The following ZAN variants were observed in gnomAD, a reference collection of about 807,000 sequenced individuals.
The protein encoded by ZAN is zonadhesin (gene/pseudogene).
ZAN carries 260 observed loss-of-function variants against 286.2 expected under a neutral mutation model. That is an observed-to-expected ratio of 0.91 (90% CI 0.82 to 1.01). The LOEUF (loss-of-function observed/expected upper bound fraction) is 1.01, where lower values mean the gene tolerates loss of function less well. Among genes scored for constraint, ZAN ranks in the 50% least tolerant of loss-of-function variants. The pLI, the probability that ZAN is intolerant of heterozygous loss-of-function variation, is 0.00. For synonymous variants in ZAN, 1,368 were observed against 1,417.5 expected (o/e 0.97, Z 0.79); for missense variants, 3,410 against 3,639.2 (o/e 0.94, Z 1.62).
chr7:100,789,667 G>T (rs115901706), intron 39 of ZAN, among the ~76,000 whole-genome samples: 1 of 151,982 alleles, frequency 6.6e-6, no homozygotes, highest in Non-Finnish European at 1.5e-5. Context: ...TTTAAAGGCC[G>T]TGCACAGTGG....
chr7:100,787,905 A>G lies in ZAN; in HGVS notation c.6996A>G (p.Ser2332=). The change falls in exon 38 of 48, where the codon TCA becomes TCG. Residue 2332 remains serine (S), a synonymous_variant. Transcript: ENST00000613979. ...NCVSDKSEQC[S]VYGDPRYLTF... is the part of the protein sequence containing the mutation. ...TCTTGGCAGAGTCTGAACAATGCTC[A>G]GTCTATGGCGACCCCCGTTACCTCA... 3 of 1,530,238 alleles carry G rather than the reference A, an allele frequency of 2.0e-6. No homozygotes were observed. Among genetic ancestry groups the G allele is most frequent in the South Asian group, 1.2e-5 (1 of 80,906 alleles). The allele number at this position is 1,530,238 out of a possible 1,614,324, so 94.8% of individuals were successfully genotyped here.
chr7:100,740,139 C>A lies in ZAN; in HGVS notation c.766+1526C>A, dbSNP rs1195007825. 1.4e-5 allele frequency among the ~76,000 whole-genome samples: 2 copies of A among 140,236 alleles called. 1 individual carries two copies. The highest frequency in any genetic ancestry group is 1.4e-4 in the Admixed American group (2 of 14,098). 92.0% of individuals were successfully genotyped at this position (140,236 alleles called of 152,430 possible). On this transcript the variant is annotated intron_variant, in intron 7 of 47. Transcript: ENST00000613979. Reference sequence around the variant, plus strand: ...GAGGGGATCAAGGCACAGCAAAGAGCCATGTGGCCAGCATGAAGAGGGTGA... The same window carrying A: ...GAGGGGATCAAGGCACAGCAAAGAGACATGTGGCCAGCATGAAGAGGGTGA...
chr7:100,736,986 G>A lies in ZAN; in HGVS notation c.431G>A (p.Arg144His), dbSNP rs769810485. 3.3e-5 allele frequency: 50 copies of A among 1,502,030 alleles called. 9 individuals are homozygous for A. The highest frequency in any genetic ancestry group is 5.7e-5 in the African/African-American group (4 of 70,786). The allele number at this position is 1,502,030 out of a possible 1,614,324, so 93.0% of individuals were successfully genotyped here. The change falls in exon 5 of 48, where the codon CGC becomes CAC. Residue 144 changes from arginine (R) to histidine (H), a missense_variant. By Grantham distance (29) the Arg-to-His change is conservative. Transcript: ENST00000613979. ...LLLLSGEEGRRPDVLWKHWNT... is the reference protein window; with the variant it reads ...LLLLSGEEGRHPDVLWKHWNT... ...CTGCTCTCGGGTGAAGAGGGCCGCC[G>A]CCCCGATGTGCTCTGGAAACACTGG...
Position 100,752,784 on chromosome 7 carries a change from C to T in ZAN, c.2679C>T (p.Thr893=). The T allele has an allele frequency of 6.4e-7, 1 of 1,551,898 alleles. No individual in the cohort carries two copies. Among genetic ancestry groups the T allele is most frequent in the Non-Finnish European group, 8.8e-7 (1 of 1,137,180 alleles). Reference sequence around the variant, plus strand: ...CCACCATCCCCATTGAAGAGACTACCATCTCCACAGAAAAACTCACCATCC... The same window carrying T: ...CCACCATCCCCATTGAAGAGACTACTATCTCCACAGAAAAACTCACCATCC... ...EKPTIPIEET[T]ISTEKLTIPT... The change falls in exon 14 of 48, where the codon ACC becomes ACT. Residue 893 remains threonine, a synonymous_variant. Coordinates refer to ENST00000613979, the MANE Select transcript of ZAN (RefSeq NM_003386.3).
At position 100,792,423 on chromosome 7, in the gene ZAN, G is replaced by C. The variant is rs372091070; in HGVS notation, c.7731G>C (p.Leu2577=). The C allele has an allele frequency of 6.2e-7, 1 of 1,613,294 alleles. No individual in the cohort carries two copies. Among genetic ancestry groups the C allele is most frequent in the Non-Finnish European group, 8.5e-7 (1 of 1,179,558 alleles). ...EPFQEHCVLD[L]CSAQDPREQE... ...GCACCAGGCACTGCGTGCTGGATCT[G>C]TGCTCTGCTCAGGACCCAAGAGAGC... The change falls in exon 42 of 48, where the codon CTG becomes CTC. Residue 2577 remains leucine (L), a synonymous_variant. Transcript: ENST00000613979.
At chr7:100,795,994 C>T (rs1220483130) in intron 45 of ZAN, among the ~76,000 whole-genome samples, 3 of 151,994 alleles carry the variant, frequency 2.0e-5, no homozygotes, top group East Asian at 3.9e-4. Context: ...GCACGAGACC[C>T]GCTTGAACCC....
In ZAN at chr7:100,795,477, TAAC is replaced by T. The variant is rs150312175; in HGVS notation, c.8266+144_8266+146del. The T allele has an allele frequency of 5.5e-3, 4,614 of 842,894 alleles. 160 individuals carry two copies. In the African/African-American group the frequency reaches 0.072, roughly 13 times the overall value. 52.2% of individuals were successfully genotyped at this position (842,894 alleles called of 1,614,324 possible). On this transcript the variant is annotated intron_variant, in intron 45 of 47. Coordinates refer to ENST00000613979, the MANE Select transcript of ZAN (RefSeq NM_003386.3). ...TTACAGATATTATATATTATAAACA[TAAC>T]AATTTGTAGCTATAATGGATATTAA... is the stretch of plus-strand genomic sequence containing the variant.
In ZAN at chr7:100,751,703, T is replaced by C; in HGVS notation, c.1607-9T>C. Reference sequence around the variant, plus strand: ...ACTAAACTCCAGGGATTCTTATTTTTCTTTGCAGTAAAAGTGCTACCAGAG... The same window carrying C: ...ACTAAACTCCAGGGATTCTTATTTTCCTTTGCAGTAAAAGTGCTACCAGAG... On this transcript the variant is annotated splice_polypyrimidine_tract_variant and intron_variant, in intron 13 of 47. Transcript: ENST00000613979. 1 of 1,569,422 alleles carries C rather than the reference T, an allele frequency of 6.4e-7. No individual in the cohort carries two copies. The highest frequency in any genetic ancestry group is 8.6e-7 in the Non-Finnish European group (1 of 1,164,852).
intron 26 of ZAN, among the ~76,000 whole-genome samples, chr7:100,768,322 A>C (rs1810140833): frequency 6.6e-6 from 1 of 152,170 alleles, no homozygotes; most frequent in African/African-American, 2.4e-5. Flanking sequence ...AAATACAAAA[A>C]TTAGCCAGGC....
chr7:100,789,134 C>T, intron 38 of ZAN, 84 bp from the exon 39 acceptor site: 1 of 1,535,892 alleles, frequency 6.5e-7, no homozygotes, highest in Admixed American at 2.0e-5. Context: ...ATGGAGATGA[C>T]TGGGAAAAGT....
chr7:100,768,679 A>G lies in ZAN; in HGVS notation c.5111A>G (p.Gln1704Arg). Residue 1704 changes from glutamine (Q) to arginine (R), a missense_variant, in exon 27 of 48, where the codon CAG (glutamine) becomes CGG (arginine). Physicochemically the swap from Gln to Arg is conservative, Grantham distance 43 (BLOSUM62 1). Around this residue, in one of 7 missense-constraint regions of ZAN, gnomAD observed 1,042 missense variants for 1,058.0 expected, o/e 0.98. Transcript: ENST00000613979. ...AGAAAGCTTGCAGGCGATTCCATGC[A>G]GCTGGGGGCCGCCTGGAAGTTACCT... Reference protein sequence around the residue: ...PDRKLAGDSMQLGAAWKLPES... With the variant: ...PDRKLAGDSMRLGAAWKLPES... The G allele has an allele frequency of 6.2e-7, 1 of 1,609,164 alleles. No homozygotes were observed. Among genetic ancestry groups the G allele is most frequent in the Non-Finnish European group, 8.5e-7 (1 of 1,177,820 alleles).
Position 100,779,462 on chromosome 7 carries a change from G to C in ZAN, c.6334G>C (p.Val2112Leu), listed in dbSNP as rs1236594623. 1 of 1,607,016 alleles carries C rather than the reference G, an allele frequency of 6.2e-7. No homozygotes were observed. The change falls in exon 35 of 48, where the codon GTA becomes CTA. Residue 2112 changes from valine (V) to leucine (L), a missense_variant. By Grantham distance (32) the Val-to-Leu change is conservative (BLOSUM62 1). Around this residue, in one of 7 missense-constraint regions of ZAN, gnomAD observed 1,289 missense variants for 1,314.3 expected, o/e 0.98. Transcript: ENST00000613979. The part of the protein sequence containing the change: ...DIDPSCQSLL[V>L]DEQQIPAEQQ... ...CCTTCCCAGTTGTCAGAGTCTCCTG[G>C]TAGATGAGCAGCAGATTCCAGCGGA...
chr7:100,758,346 G>A lies in ZAN; in HGVS notation c.3451+3G>A. On this transcript the variant is annotated splice_donor_region_variant and intron_variant, in intron 16 of 47. Transcript: ENST00000613979. ...CCAGTATGGATGCCACCCCTACGGT[G>A]AGAGCCCCTCCCCATGCTGTCCCTG... The A allele has an allele frequency of 6.2e-7, 1 of 1,611,578 alleles. No individual in the cohort carries two copies. The highest frequency in any genetic ancestry group is 8.5e-7 in the Non-Finnish European group (1 of 1,178,914).
At chr7:100,758,436 G>A (rs1809310164) in intron 16 of ZAN, 93 bp downstream of exon 16, 2 of 1,581,530 alleles carry the variant, frequency 1.3e-6, no homozygotes, top group Non-Finnish European at 1.7e-6. Flanking sequence ...CAGAGGATTG[G>A]GGGCCTGCCA....
chr7:100,754,386 G>C (rs1011472376), intron 14 of ZAN, among the ~76,000 whole-genome samples: 1 of 151,992 alleles, frequency 6.6e-6, no homozygotes, highest in Non-Finnish European at 1.5e-5. Flanking sequence ...GTGAACCCGG[G>C]AGGCAGAGCT....
intron 15 of ZAN, among the ~76,000 whole-genome samples, chr7:100,757,499 A>G (rs1424403111): frequency 6.6e-6 from 1 of 152,076 alleles, no homozygotes; most frequent in Non-Finnish European, 1.5e-5. Flanking sequence ...TCATGCCTGT[A>G]ATCCTAGCAC....
chr7:100,778,540 T>A (rs1810970267), intron 34 of ZAN, among the ~76,000 whole-genome samples: 1 of 151,982 alleles, frequency 6.6e-6, no homozygotes, highest in Admixed American at 6.6e-5. Context: ...CCTGGGAGAT[T>A]GAAGTTGCAG....
intron 19 of ZAN, among the ~76,000 whole-genome samples, chr7:100,761,619 G>A (rs1219178397): frequency 6.6e-6 from 1 of 152,002 alleles, no homozygotes; most frequent in African/African-American, 2.4e-5. Flanking sequence ...GAGCCACAGA[G>A]GGTGACCCTA....
chr7:100,738,537 G>A lies in ZAN; in HGVS notation c.690G>A (p.Gly230=). ...GGACCTGGATCCCAACTGCCTCCGG[G>A]GCCAAGTGGACTCAGAAGAAAGGGT... ...CDWTWIPTAS[G]AKWTQKKGSS... is the part of the protein sequence containing the mutation. Residue 230 remains glycine (G), a synonymous_variant, in exon 7 of 48, where the codon GGG becomes GGA. Transcript: ENST00000613979. 6.6e-7 allele frequency: 1 copy of A among 1,509,056 alleles called. No homozygotes were observed. The highest frequency in any genetic ancestry group is 9.1e-7 in the Non-Finnish European group (1 of 1,100,278). The allele number at this position is 1,509,056 out of a possible 1,614,324, so 93.5% of individuals were successfully genotyped here.
Sources: allele counts gnomAD v4.1 joint callset (sites outside exome capture counted in the v4.1 genomes callset), GRCh38; gene constraint gnomAD v4.1.1; regional missense constraint gnomAD v4.1.1; transcripts MANE v1.5; gene names NCBI Gene and HGNC (gene_info 2026-07-23, HGNC 2026-07-21).